The following UGT1A5 variants were observed in gnomAD, a reference collection of about 807,000 sequenced individuals.
UGT1A5 encodes the protein UDP glucuronosyltransferase family 1 member A5, also known as UDP-glucuronosyltransferase 1A5.
In UGT1A5, 29 loss-of-function variants were observed where a neutral mutation model predicts 40.3. The ratio of observed to expected loss-of-function variants is 0.72; its 90% CI spans 0.54 to 0.98. The LOEUF (loss-of-function observed/expected upper bound fraction) is 0.98. UGT1A5 is among the 50% of genes least tolerant of loss of function. The pLI is 0.00. For missense variants in UGT1A5, 678 were observed against 677.9 expected (o/e 1.00, Z 0.00); for synonymous variants, 257 against 262.5 (o/e 0.98, Z 0.20).
chr2:233,725,129 T>C (rs1238705631), intron 1 of UGT1A5, among the ~76,000 whole-genome samples: 2 of 136,286 alleles, frequency 1.5e-5, no homozygotes, highest in Non-Finnish European at 3.1e-5. Flanking sequence ...TGAGCCGAGA[T>C]GGCAGCAGTA....
rs563417082 is a variant in UGT1A5, at chr2:233,769,495, G to C, written c.1307+1056G>C. ...TGTGTGTGTGCGTGTGTTTATGAGA[G>C]TGTCCATTGCTTTCTCCCATGGTTA... is the stretch of plus-strand genomic sequence containing the variant. On this transcript the variant is annotated intron_variant, in intron 4 of 4. Transcript: ENST00000373414. The surrounding 1 kb of genome is among the most constrained non-coding windows in gnomAD (Gnocchi z 4.4). 1.4e-5 allele frequency: 23 copies of C among 1,612,758 alleles called. No individual in the cohort carries two copies. The South Asian group carries it at 2.2e-4, about 15-fold the overall frequency.
At chr2:233,737,199 C>T (rs762867419) in intron 1 of UGT1A5, among the ~76,000 whole-genome samples, 7 of 152,222 alleles carry the variant, frequency 4.6e-5, no homozygotes, top group Non-Finnish European at 7.3e-5. Flanking sequence ...TGCTGAGCTG[C>T]GGTGGACTCT....
At chr2:233,760,657 T>G in intron 1 of UGT1A5, 1 of 1,614,222 alleles carries the variant, frequency 6.2e-7, no homozygotes. Flanking sequence ...TGCTATGCTT[T>G]TGTCTGGCTG....
chr2:233,744,090 T>G (rs1692690512), intron 1 of UGT1A5: 7 of 425,206 alleles, frequency 1.6e-5, no homozygotes, highest in South Asian at 1.4e-4. Context: ...CAAGATGCAG[T>G]GCTTCTGGGA....
chr2:233,724,460 G>A lies in UGT1A5; in HGVS notation c.867+10602G>A, dbSNP rs551187141. 1.6e-3 allele frequency among the ~76,000 whole-genome samples: 182 copies of A among 113,876 alleles called. 4 individuals carry two copies. Among genetic ancestry groups the A allele is most frequent in the Middle Eastern group, 0.011 (2 of 176 alleles). The allele number at this position is 113,876 out of a possible 152,430, so 74.7% of individuals were successfully genotyped here. A position where few individuals can be genotyped will look rare whatever the true frequency, so the allele number is the denominator to read the frequency against. ...TTCTCAGACAGGGCAGCTGCCGGGC[G>A]GAGGGGCTCCTCACTTCTCAGACGG... On this transcript the variant is annotated intron_variant, in intron 1 of 4. Transcript: ENST00000373414.
At chr2:233,729,519 A>G in intron 1 of UGT1A5, 1 of 1,614,214 alleles carries the variant, frequency 6.2e-7, no homozygotes, top group Middle Eastern at 1.6e-4. Context: ...GTGTGGAGCT[A>G]CTACATAATG....
intron 1 of UGT1A5, among the ~76,000 whole-genome samples, chr2:233,762,341 A>C (rs1325926558): frequency 6.6e-6 from 1 of 152,206 alleles, no homozygotes; most frequent in Non-Finnish European, 1.5e-5. Flanking sequence ...AGCTCTTTTT[A>C]GTTCTTTGTA....
Position 233,768,224 on chromosome 2 carries a change from C to T in UGT1A5, c.1092C>T (p.His364=), listed in dbSNP as rs758090189. The change falls in exon 4 of 5, where the codon CAC becomes CAT. Residue 364 remains histidine (H), a synonymous_variant. Coordinates refer to ENST00000373414, the MANE Select transcript of UGT1A5 (RefSeq NM_019078.2). ...CCTCCCTATTTTGCATCTCAGGTCA[C>T]CCGATGACCCGTGCCTTTATCACCC... ...KWLPQNDLLG[H]PMTRAFITHA... is the part of the protein sequence containing the mutation. 13 of 1,614,174 alleles carry T rather than the reference C, an allele frequency of 8.1e-6. No individual in the cohort carries two copies. The highest frequency in any genetic ancestry group is 1.3e-5 in the African/African-American group (1 of 75,028).
At chr2:233,766,899 A>T in intron 1 of UGT1A5, 135 bp from the exon 2 acceptor site, 2 of 1,486,470 alleles carry the variant, frequency 1.3e-6, no homozygotes, top group Non-Finnish European at 1.8e-6. Flanking sequence ...CATATTAATA[A>T]TTTTTTACTC....
Position 233,713,582 on chromosome 2 carries a change from A to G in UGT1A5, c.591A>G (p.Leu197=), listed in dbSNP as rs2076331965. Residue 197 remains leucine (L), a synonymous_variant, in exon 1 of 5, where the codon TTA becomes TTG. Coordinates refer to ENST00000373414, the MANE Select transcript of UGT1A5 (RefSeq NM_019078.2). The part of the protein sequence containing the change: ...CPNPSSYIPR[L]LTTNSDHMTF... ...ACCCTTCCTCCTATATTCCTAGATT[A>G]CTAACGACCAATTCAGACCACATGA... 1.6e-5 allele frequency: 26 copies of G among 1,613,952 alleles called. No individual in the cohort carries two copies. The highest frequency in any genetic ancestry group is 2.2e-5 in the Non-Finnish European group (26 of 1,179,856).
intron 1 of UGT1A5, chr2:233,753,714 C>T (rs1422893106): frequency 1.3e-5 from 2 of 152,222 alleles, no homozygotes; most frequent in Non-Finnish European, 2.9e-5. Flanking sequence ...TTTCATCAAC[C>T]TAATTTGATA....
intron 1 of UGT1A5, chr2:233,743,624 T>A (rs1166046864): frequency 3.7e-6 from 5 of 1,367,280 alleles, no homozygotes; most frequent in Admixed American, 3.8e-5. Flanking sequence ...CCTGAAGACG[T>A]CGGCTGGGTC....
chr2:233,739,933 AAGGTTGGTACC>A (rs1221573721), intron 1 of UGT1A5, among the ~76,000 whole-genome samples: 1 of 151,674 alleles, frequency 6.6e-6, no homozygotes, highest in Non-Finnish European at 1.5e-5. Context: ...CCCATGTGTT[AAGGTTGGTACC>A]TGGTGGGAGC....
At chr2:233,760,823 T>G in intron 1 of UGT1A5, 1 of 1,613,528 alleles carries the variant, frequency 6.2e-7, no homozygotes, top group Non-Finnish European at 8.5e-7. Context: ...CCATGCAGCC[T>G]GGAATTTGAG....
intron 1 of UGT1A5, among the ~76,000 whole-genome samples, chr2:233,765,573 A>C (rs1448763178): frequency 2.6e-5 from 4 of 152,132 alleles, no homozygotes; most frequent in Admixed American, 6.5e-5. Context: ...GCGTAGACGC[A>C]GGGAGGGGAA....
chr2:233,720,890 T>A (rs2076904150), intron 1 of UGT1A5, among the ~76,000 whole-genome samples: 3 of 149,442 alleles, frequency 2.0e-5, no homozygotes, highest in African/African-American at 5.0e-5. Context: ...TTTTTTTTTT[T>A]AGTAGAGATG....
chr2:233,755,144 C>T (rs1040517387), intron 1 of UGT1A5: 11 of 1,304,848 alleles, frequency 8.4e-6, no homozygotes, highest in African/African-American at 7.5e-5. Flanking sequence ...ATCTTCTCAC[C>T]GCTTCCTCCC....
intron 1 of UGT1A5, chr2:233,760,497 C>T (rs1553620689): frequency 2.5e-6 from 4 of 1,614,200 alleles, no homozygotes; most frequent in East Asian, 2.2e-5. Flanking sequence ...ACATCAGAGA[C>T]GGAGCATTTT....
At chr2:233,721,653 G>C in intron 1 of UGT1A5, 1 of 213,974 alleles carries the variant, frequency 4.7e-6, no homozygotes, top group Non-Finnish European at 9.6e-6. Flanking sequence ...GGCAGTGGGG[G>C]GTCATGTAAG....
Sources: gnomAD v4.1 joint callset for allele counts (sites outside exome capture counted in the v4.1 genomes callset) on GRCh38, gnomAD v4.1.1 for gene constraint, Gnocchi (gnomAD v3.1) non-coding constraint, MANE v1.5 for transcripts, NCBI Gene and HGNC (gene_info 2026-07-23, HGNC 2026-07-21) for gene names.